CHST11: variants seen among roughly 807,000 people sequenced by gnomAD.
CHST11 encodes carbohydrate sulfotransferase 11, also known as C4S-1.
In CHST11, 9 loss-of-function variants were observed where a neutral mutation model predicts 30.4. The ratio of observed to expected loss-of-function variants is 0.30; its 90% confidence interval spans 0.18 to 0.52. The LOEUF (loss-of-function observed/expected upper bound fraction) is 0.52. CHST11 is among the 20% of genes least tolerant of loss of function. CHST11 has a pLI of 0.97. For synonymous variants in CHST11, 152 were observed against 187.8 expected, an observed-to-expected ratio of 0.81 and a Z score of 1.56; for missense variants, 348 against 460.6, an observed-to-expected ratio of 0.76 and a Z score of 2.24.
intron 2 of CHST11, among the ~76,000 whole-genome samples, chr12:104,690,963 C>A (rs1236729242): frequency 1.3e-5 from 2 of 152,216 alleles, no homozygotes; most frequent in Admixed American, 1.3e-4. Context: ...TCATCTTTGG[C>A]CAGCATCAAA....
intron 1 of CHST11, among the ~76,000 whole-genome samples, chr12:104,548,803 AAGG>A (rs1189412021): frequency 1.3e-5 from 2 of 152,214 alleles, no homozygotes; most frequent in Admixed American, 6.5e-5. Context: ...ACTGTCAGCC[AAGG>A]AGGAGGACTG....
chr12:104,621,263 G>T (rs1566011648), intron 2 of CHST11, among the ~76,000 whole-genome samples: 1 of 152,212 alleles, frequency 6.6e-6, no homozygotes, highest in African/African-American at 2.4e-5. Context: ...CAGCCTCAAA[G>T]ATGAACATGT....
chr12:104,564,557 T>C (rs2038542645), intron 1 of CHST11, among the ~76,000 whole-genome samples: 1 of 152,226 alleles, frequency 6.6e-6, no homozygotes, highest in African/African-American at 2.4e-5. Flanking sequence ...CTGTTGGTGT[T>C]ATGATATTAT....
intron 1 of CHST11, among the ~76,000 whole-genome samples, chr12:104,496,441 A>G (rs1337014001): frequency 6.6e-6 from 1 of 152,264 alleles, no homozygotes; most frequent in Admixed American, 6.5e-5. Context: ...ACTGCTGGCC[A>G]CAATTCCCCA....
At chr12:104,720,607 A>T (rs1311590377) in intron 2 of CHST11, among the ~76,000 whole-genome samples, 1 of 152,160 alleles carries the variant, frequency 6.6e-6, no homozygotes, top group Admixed American at 6.5e-5. Context: ...AATTTCAAAC[A>T]GTGTGACGTG....
chr12:104,476,344 A>G (rs1045045734), intron 1 of CHST11, among the ~76,000 whole-genome samples: 3 of 151,348 alleles, frequency 2.0e-5, no homozygotes, highest in Non-Finnish European at 4.4e-5. Context: ...ATACACATAT[A>G]TGTAAGATAT....
chr12:104,513,123 T>C (rs1210908228), intron 1 of CHST11, among the ~76,000 whole-genome samples: 3 of 3,384 alleles, frequency 8.9e-4, no homozygotes, highest in African/African-American at 3.0e-3. Flanking sequence ...ATGTCATGAC[T>C]GGGGGGGGGG....
rs1234170485 is a variant in CHST11 at position 104,537,654 on chromosome 12, A to G, written c.119-64252A>G. 4.0e-5 allele frequency among the ~76,000 whole-genome samples: 6 copies of G among 151,304 alleles called. No individual in the cohort carries two copies. In the South Asian group the frequency reaches 1.0e-3, roughly 26 times the overall value. On this transcript the variant is annotated intron_variant, in intron 1 of 2. Transcript: ENST00000303694. Reference sequence around the variant, plus strand: ...GAGAAAAGTTGTGAAAATAATACAGATAATATAGTTTTCATCTGCTCCTCC... The same window carrying G: ...GAGAAAAGTTGTGAAAATAATACAGGTAATATAGTTTTCATCTGCTCCTCC...
At chr12:104,717,485 G>A (rs1284333613) in intron 2 of CHST11, among the ~76,000 whole-genome samples, 1 of 152,076 alleles carries the variant, frequency 6.6e-6, no homozygotes. Context: ...CTCAATAAAG[G>A]CCAATAGGCT....
intron 2 of CHST11, among the ~76,000 whole-genome samples, chr12:104,713,171 G>A (rs1216878449): frequency 6.6e-6 from 1 of 152,146 alleles, no homozygotes; most frequent in African/African-American, 2.4e-5. Context: ...CATTCCAGGA[G>A]CTCAGCCTTA....
In CHST11 at chr12:104,504,832, C is replaced by T. The variant is rs976034929; in HGVS notation, c.118+47303C>T. Among the ~76,000 whole-genome samples, 4 of 151,912 alleles carry T rather than the reference C, an allele frequency of 2.6e-5. 1 individual carries two copies. Among genetic ancestry groups the T allele is most frequent in the African/African-American group, 7.3e-5 (3 of 41,314 alleles). On this transcript the variant is annotated intron_variant, in intron 1 of 2. Coordinates refer to ENST00000303694, the MANE Select transcript of CHST11 (RefSeq NM_018413.6). ...TTGAAAAATAAGCAACATCTGGGGC[C>T]CCATTGGAGGTTCTGATTTGGTTTG...
At chr12:104,488,573 ATGTG>A (rs749089153) in intron 1 of CHST11, among the ~76,000 whole-genome samples, 3 of 106,760 alleles carry the variant, frequency 2.8e-5, no homozygotes, top group African/African-American at 6.7e-5. Flanking sequence ...ATGCGTGTGT[ATGTG>A]TGTGTATGTA....
chr12:104,567,334 A>G (rs1358982309), intron 1 of CHST11, among the ~76,000 whole-genome samples: 1 of 152,194 alleles, frequency 6.6e-6, no homozygotes, highest in Non-Finnish European at 1.5e-5. Context: ...CTTCAATCAG[A>G]TCTGGCAGAA....
chr12:104,691,958 C>T (rs1349884698), intron 2 of CHST11, among the ~76,000 whole-genome samples: 2 of 152,228 alleles, frequency 1.3e-5, no homozygotes, highest in Non-Finnish European at 2.9e-5. Flanking sequence ...CCTCAGGAAA[C>T]CCTTTCTCTG....
At chr12:104,563,352 G>A (rs7133778) in intron 1 of CHST11, among the ~76,000 whole-genome samples, 142,534 of 152,256 alleles carry the variant, frequency 0.94, 66,833 homozygotes, top group East Asian at 1. Context: ...TTGAGCTGAT[G>A]GTGTCTGCTG....
chr12:104,718,048 G>A (rs538293682), intron 2 of CHST11, among the ~76,000 whole-genome samples: 29 of 152,322 alleles, frequency 1.9e-4, no homozygotes, highest in South Asian at 1.5e-3. Flanking sequence ...CCCCTCCCAC[G>A]TGCCAGCGTT....
At chr12:104,629,050 A>C (rs1470284745) in intron 2 of CHST11, among the ~76,000 whole-genome samples, 1 of 152,196 alleles carries the variant, frequency 6.6e-6, no homozygotes, top group Non-Finnish European at 1.5e-5. Context: ...TCTTCTGGCT[A>C]GTCTACTCAA....
intron 1 of CHST11, among the ~76,000 whole-genome samples, chr12:104,582,370 G>T (rs535860222): frequency 6.6e-6 from 1 of 152,156 alleles, no homozygotes; most frequent in Non-Finnish European, 1.5e-5. Context: ...TGAAATCAGC[G>T]TTGGGGTAGT....
intron 1 of CHST11, among the ~76,000 whole-genome samples, chr12:104,546,733 A>G (rs1403786543): frequency 3.3e-5 from 5 of 152,174 alleles, no homozygotes; most frequent in Non-Finnish European, 5.9e-5. Context: ...CTTTGATCTA[A>G]CTTCCTCTTT....
Sources: gnomAD v4.1 joint callset for allele counts (sites outside exome capture counted in the v4.1 genomes callset) on GRCh38, gnomAD v4.1.1 for gene constraint, MANE v1.5 for transcripts, NCBI Gene and HGNC (gene_info 2026-07-23, HGNC 2026-07-21) for gene names.